The following MGAT4C variants were observed in gnomAD, a reference collection of about 807,000 sequenced individuals.
MGAT4C encodes MGAT4 family member C.
A neutral mutation model predicts 40.1 loss-of-function variants in MGAT4C; 19 were observed. The ratio of observed to expected loss-of-function variants is 0.47; its 90% CI spans 0.33 to 0.70. The LOEUF (loss-of-function observed/expected upper bound fraction) is 0.70. Ranked by LOEUF, MGAT4C falls within the 30% of genes least tolerant of loss-of-function variation. MGAT4C has a pLI of 0.02. For missense variants in MGAT4C, 491 were observed against 563.2 expected (o/e 0.87, Z 1.30); for synonymous variants, 181 against 187.1 (o/e 0.97, Z 0.27).
intron 1 of MGAT4C, among the ~76,000 whole-genome samples, chr12:86,825,786 C>T (rs2136231176): frequency 6.6e-6 from 1 of 151,578 alleles, no homozygotes; most frequent in East Asian, 1.9e-4. Context: ...TGTGATACTA[C>T]AGTGCCCCTT....
At chr12:86,186,550 A>G (rs1226868279) in intron 1 of MGAT4C, among the ~76,000 whole-genome samples, 1 of 152,110 alleles carries the variant, frequency 6.6e-6, no homozygotes, top group Non-Finnish European at 1.5e-5. Flanking sequence ...CATTACCCCT[A>G]ACAGACAAAT....
At chr12:86,642,209 C>T (rs997795496) in intron 2 of MGAT4C, among the ~76,000 whole-genome samples, 1 of 151,768 alleles carries the variant, frequency 6.6e-6, no homozygotes, top group Non-Finnish European at 1.5e-5. Flanking sequence ...TATAAAAACA[C>T]ATTTGTTCAA....
intron 1 of MGAT4C, among the ~76,000 whole-genome samples, chr12:86,747,418 G>T (rs931319228): frequency 2.6e-5 from 4 of 151,502 alleles, no homozygotes; most frequent in Admixed American, 2.0e-4. Flanking sequence ...TACTTGTGTG[G>T]AGGTTGTTAT....
At chr12:86,408,364 T>C (rs1001010371) in intron 3 of MGAT4C, among the ~76,000 whole-genome samples, 2 of 150,902 alleles carry the variant, frequency 1.3e-5, no homozygotes, top group African/African-American at 4.9e-5. Context: ...TGAGGAGATT[T>C]TGTGAAGCAA....
intron 1 of MGAT4C, among the ~76,000 whole-genome samples, chr12:86,819,162 T>G (rs1952658866): frequency 6.6e-6 from 1 of 150,988 alleles, no homozygotes. Context: ...AAATAAGAGA[T>G]TTACATGAAA....
rs149321977 is a variant in MGAT4C at position 86,350,172 on chromosome 12, A to G, written c.-119-16045T>C. Among the ~76,000 whole-genome samples the G allele has an allele frequency of 3.0e-3, 454 of 152,166 alleles. 2 individuals are homozygous for G. The highest frequency in any genetic ancestry group is 0.01 in the African/African-American group (434 of 41,548). On this transcript the variant is annotated intron_variant, in intron 3 of 7. Coordinates refer to the MGAT4C transcript ENST00000548651. ...GATTATTGCCCTTGTATCTTGGATAATTCAGGAACCCCAGACTTTAACATA... is the reference window on the plus strand; with the variant it reads ...GATTATTGCCCTTGTATCTTGGATAGTTCAGGAACCCCAGACTTTAACATA...
chr12:86,207,053 GA>G (rs1167043721), intron 1 of MGAT4C, among the ~76,000 whole-genome samples: 1 of 149,694 alleles, frequency 6.7e-6, no homozygotes, highest in Non-Finnish European at 1.5e-5. Flanking sequence ...TACAGTTATA[GA>G]AAAAAAGAGG....
intron 2 of MGAT4C, among the ~76,000 whole-genome samples, chr12:86,025,648 G>T (rs1161338175): frequency 2.0e-5 from 3 of 151,484 alleles, no homozygotes; most frequent in East Asian, 3.9e-4. Flanking sequence ...AATTCTAGGG[G>T]AACTTATTTT....
chr12:85,992,554 G>C (rs904773914), intron 2 of MGAT4C, among the ~76,000 whole-genome samples: 4 of 152,162 alleles, frequency 2.6e-5, no homozygotes, highest in African/African-American at 9.7e-5. Flanking sequence ...TAAAGATGTT[G>C]TTGCAAACTA....
At chr12:86,485,706 CA>C (rs1565793957) in intron 2 of MGAT4C, among the ~76,000 whole-genome samples, 1 of 151,922 alleles carries the variant, frequency 6.6e-6, no homozygotes, top group Non-Finnish European at 1.5e-5. Flanking sequence ...AGTTGACACG[CA>C]AATTTGAGAA....
intron 2 of MGAT4C, among the ~76,000 whole-genome samples, chr12:86,669,731 A>G (rs1198818053): frequency 1.3e-5 from 2 of 152,220 alleles, no homozygotes; most frequent in African/African-American, 4.8e-5. Flanking sequence ...GTGGGCAAGC[A>G]GGGAGATAAG....
rs558727971 is a variant in MGAT4C at position 86,262,150 on chromosome 12, C to T, written c.-57+71915G>A. On this transcript the variant is annotated intron_variant, in intron 4 of 7. Transcript: ENST00000548651. ...CATCTCACTGTTGTGTTTCTCTCTT[C>T]TCCATCGCAAATGACAAGTTTCAGT... 1.4e-4 allele frequency among the ~76,000 whole-genome samples: 22 copies of T among 152,222 alleles called. No homozygotes were observed. The South Asian group carries it at 4.6e-3, about 32-fold the overall frequency.
chr12:86,010,538 C>T lies in MGAT4C; in HGVS notation c.-6-20986G>A, dbSNP rs147333354. On this transcript the variant is annotated intron_variant, in intron 2 of 4. Coordinates refer to ENST00000611864, the MANE Select transcript of MGAT4C (RefSeq NM_001351288.2). The stretch of plus-strand genomic sequence containing the variant: ...ACTAAAAATACAAAAATTAGCCATG[C>T]GTGGTGGTGCACACCCGTAATCTCA... Among the ~76,000 whole-genome samples the T allele has an allele frequency of 7.3e-3, 1,107 of 152,198 alleles. 14 individuals are homozygous for T. The highest frequency in any genetic ancestry group is 0.025 in the African/African-American group (1,022 of 41,532).
At chr12:85,986,737 G>A (rs911093949) in intron 3 of MGAT4C, among the ~76,000 whole-genome samples, 3 of 151,834 alleles carry the variant, frequency 2.0e-5, no homozygotes, top group Admixed American at 6.6e-5. Context: ...TGTGATAATC[G>A]GGAAGAAAGA....
At chr12:86,071,433 A>G (rs999311755) in intron 1 of MGAT4C, among the ~76,000 whole-genome samples, 1 of 152,078 alleles carries the variant, frequency 6.6e-6, no homozygotes, top group Admixed American at 6.6e-5. Context: ...TTGGCTTATA[A>G]CAGTATTGTT....
chr12:86,807,558 C>A (rs531855694), intron 1 of MGAT4C, among the ~76,000 whole-genome samples: 13 of 152,190 alleles, frequency 8.5e-5, no homozygotes, highest in African/African-American at 3.1e-4. Flanking sequence ...CATGTATTTG[C>A]TATTGTGAAT....
At chr12:86,500,020 C>T (rs1958310784) in intron 2 of MGAT4C, among the ~76,000 whole-genome samples, 1 of 151,492 alleles carries the variant, frequency 6.6e-6, no homozygotes, top group Non-Finnish European at 1.5e-5. Flanking sequence ...ATTCTTTCAA[C>T]ATATCAAAAC....
At chr12:86,646,800 G>A (rs537186192) in intron 2 of MGAT4C, among the ~76,000 whole-genome samples, 6 of 151,848 alleles carry the variant, frequency 4.0e-5, no homozygotes, top group Non-Finnish European at 5.9e-5. Flanking sequence ...ATTTATTTAT[G>A]TATTGTTTTA....
intron 4 of MGAT4C, among the ~76,000 whole-genome samples, chr12:86,270,484 C>T (rs529893881): frequency 4.5e-4 from 68 of 152,250 alleles, no homozygotes; most frequent in Middle Eastern, 6.8e-3. Flanking sequence ...TTTGACTACT[C>T]TAGGAATTTC....
Sources: gnomAD v4.1 joint callset for allele counts (sites outside exome capture counted in the v4.1 genomes callset) on GRCh38, gnomAD v4.1.1 for gene constraint, MANE v1.5 for transcripts, NCBI Gene and HGNC (gene_info 2026-07-23, HGNC 2026-07-21) for gene names.